Variants in SLC38A10 observed in about 807,000 individuals in gnomAD.
SLC38A10 encodes the protein solute carrier family 38 member 10.
In SLC38A10, 53 loss-of-function variants were observed where a neutral mutation model predicts 81.0. That is an observed-to-expected ratio of 0.65 (90% confidence interval 0.53 to 0.82). The LOEUF (loss-of-function observed/expected upper bound fraction) is 0.82. Ranked by LOEUF, SLC38A10 falls within the 40% of genes least tolerant of loss-of-function variation. The pLI, the probability that SLC38A10 is intolerant of heterozygous loss-of-function variation, is 0.00. For synonymous variants in SLC38A10, 665 were observed against 655.3 expected (o/e 1.01, Z -0.23); for missense variants, 1,471 against 1,545.0 (o/e 0.95, Z 0.80).
intron 9 of SLC38A10, 93 bp downstream of exon 9, chr17:81,272,423 G>A: frequency 1.2e-5 from 8 of 666,304 alleles, no homozygotes; most frequent in South Asian, 5.1e-5. Flanking sequence ...AGAGAAGATG[G>A]TCTCTGTGCA....
At chr17:81,293,488 T>TA in intron 1 of SLC38A10, among the ~76,000 whole-genome samples, 1 of 152,062 alleles carries the variant, frequency 6.6e-6, no homozygotes, top group Non-Finnish European at 1.5e-5. Flanking sequence ...GTTTTTTTTT[T>TA]AGAGATGGGG....
At chr17:81,272,458 G>T in intron 9 of SLC38A10, 58 bp downstream of exon 9, 2 of 1,162,036 alleles carry the variant, frequency 1.7e-6, no homozygotes, top group Non-Finnish European at 2.4e-6. Context: ...GCAGGTCTTG[G>T]TTGATGCCGA....
rs2062923570 is a variant in SLC38A10, at chr17:81,252,270, C to T, written c.1870G>A (p.Glu624Lys). The T allele has an allele frequency of 2.5e-6, 4 of 1,588,194 alleles. No individual in the cohort carries two copies. Among genetic ancestry groups the T allele is most frequent in the Non-Finnish European group, 2.6e-6 (3 of 1,165,740 alleles). ...QQNGLAVGGG[E>K]KAKGGPPPGN... Reference sequence around the variant, plus strand: ...GGCGGCGGTCCCCCCTTGGCCTTTTCCCCTCCACCCACCGCCAGGCCGTTC... The same window carrying T: ...GGCGGCGGTCCCCCCTTGGCCTTTTTCCCTCCACCCACCGCCAGGCCGTTC... The change falls in exon 13 of 16, where the codon GAA becomes AAA. Residue 624 changes from glutamate to lysine, a missense_variant. Transcript: ENST00000374759.
At chr17:81,251,382 AGG>A in intron 14 of SLC38A10, 109 bp downstream of exon 14, 2 of 1,612,522 alleles carry the variant, frequency 1.2e-6, no homozygotes, top group Non-Finnish European at 8.5e-7. Context: ...TGGAAAGAGA[AGG>A]GGGGCCTGGC....
At chr17:81,247,869 T>C (rs1406076473) in intron 14 of SLC38A10, among the ~76,000 whole-genome samples, 1 of 150,558 alleles carries the variant, frequency 6.6e-6, no homozygotes, top group East Asian at 1.9e-4. Flanking sequence ...AGAAAAACTG[T>C]AAGCTATGTT....
At chr17:81,266,526 G>A (rs2063071666) in intron 10 of SLC38A10, among the ~76,000 whole-genome samples, 1 of 152,006 alleles carries the variant, frequency 6.6e-6, no homozygotes, top group African/African-American at 2.4e-5. Flanking sequence ...GACTGAGGCA[G>A]GAGAATGGCG....
chr17:81,289,194 C>T lies in SLC38A10; in HGVS notation c.217+497G>A, dbSNP rs2063291013. Among the ~76,000 whole-genome samples the T allele has an allele frequency of 6.6e-6, 1 of 152,034 alleles. No homozygotes were observed. Among genetic ancestry groups the T allele is most frequent in the Admixed American group, 6.6e-5 (1 of 15,262 alleles). Reference sequence around the variant, plus strand: ...TAGCTAGGATTACAGATGCCTGCCACCATGTCTGGCTAATTTTTTGTATTT... The same window carrying T: ...TAGCTAGGATTACAGATGCCTGCCATCATGTCTGGCTAATTTTTTGTATTT... On this transcript the variant is annotated intron_variant, in intron 2 of 15. Coordinates refer to ENST00000374759, the MANE Select transcript of SLC38A10 (RefSeq NM_001037984.3). The surrounding 1 kb of genome is among the most constrained non-coding windows in gnomAD (Gnocchi z 5.9).
In SLC38A10 at chr17:81,253,016, C is replaced by G; in HGVS notation, c.1456+57G>C. ...GCCACCCCGCAGGGTGTCCAGCCTG[C>G]AAAGGAGGACCCGGGGCCGCCCTTC... On this transcript the variant is annotated intron_variant, in intron 12 of 15. Coordinates refer to ENST00000374759, the MANE Select transcript of SLC38A10 (RefSeq NM_001037984.3). The surrounding 1 kb of genome is among the most constrained non-coding windows in gnomAD (Gnocchi z 4.1). 6.3e-7 allele frequency: 1 copy of G among 1,590,018 alleles called. No individual in the cohort carries two copies. Among genetic ancestry groups the G allele is most frequent in the South Asian group, 1.1e-5 (1 of 90,082 alleles).
At chr17:81,266,481 T>C (rs906711936) in intron 10 of SLC38A10, among the ~76,000 whole-genome samples, 1 of 151,904 alleles carries the variant, frequency 6.6e-6, no homozygotes, top group Non-Finnish European at 1.5e-5. Flanking sequence ...TAGCCGGGCA[T>C]GGTTGCAGGC....
rs993616667 is a variant in SLC38A10 at position 81,277,817 on chromosome 17, G to C, written c.627-684C>G. ...TGGAAAGGGGTGGGCGAGACGACAA[G>C]GGAGAGGCTGGGGCCATGGAGCATC... On this transcript the variant is annotated intron_variant, in intron 6 of 15. Transcript: ENST00000374759. This position sits in a 1 kb window ranked among gnomAD's most constrained non-coding sequence, Gnocchi z 4.5. Among the ~76,000 whole-genome samples, 3 of 152,240 alleles carry C rather than the reference G, an allele frequency of 2.0e-5. No homozygotes were observed. The highest frequency in any genetic ancestry group is 7.2e-5 in the African/African-American group (3 of 41,450).
intron 1 of SLC38A10, among the ~76,000 whole-genome samples, chr17:81,290,432 A>T (rs1327128874): frequency 6.6e-6 from 1 of 152,218 alleles, no homozygotes; most frequent in Non-Finnish European, 1.5e-5. Context: ...AGCAGGAAAA[A>T]GGGATGACTA....
chr17:81,293,011 T>G (rs563037981), intron 1 of SLC38A10, among the ~76,000 whole-genome samples: 1 of 151,454 alleles, frequency 6.6e-6, no homozygotes, highest in South Asian at 2.1e-4. Context: ...AATAAATAAA[T>G]AAATTAGCCG....
Position 81,282,174 on chromosome 17 carries a change from G to A in SLC38A10, c.501+15C>T, listed in dbSNP as rs552804689. On this transcript the variant is annotated intron_variant, in intron 5 of 15. Coordinates refer to ENST00000374759, the MANE Select transcript of SLC38A10 (RefSeq NM_001037984.3). ...GCAGCCTTTCAGCGGGTACCCACGC[G>A]CGCTGCCGACTCACCACGAACATGA... 470 of 1,612,448 alleles carry A rather than the reference G, an allele frequency of 2.9e-4. 6 individuals carry two copies. The South Asian group carries it at 4.6e-3, about 16-fold the overall frequency.
intron 3 of SLC38A10, among the ~76,000 whole-genome samples, chr17:81,284,400 G>T (rs537674553): frequency 6.6e-6 from 1 of 152,256 alleles, no homozygotes; most frequent in South Asian, 2.1e-4. Context: ...CAAGTTAAGA[G>T]AACAATCAAC....
Position 81,246,545 on chromosome 17 carries a change from G to A in SLC38A10, c.2371C>T (p.Arg791Cys), listed in dbSNP as rs769188143. 36 of 1,517,104 alleles carry A rather than the reference G, an allele frequency of 2.4e-5. No homozygotes were observed. Among genetic ancestry groups the A allele is most frequent in the Non-Finnish European group, 3.1e-5 (35 of 1,134,430 alleles). 94.0% of individuals were successfully genotyped at this position (1,517,104 alleles called of 1,614,324 possible). A position where few individuals can be genotyped will look rare whatever the true frequency, so the allele number is the denominator to read the frequency against. ...LDPVLRAPGG[R>C]PAPSQDLNQR... ...TTAAGGTCCTGGGATGGAGCAGGGC[G>A]GCCCCCAGGAGCTCTGAGGACAGGG... The change falls in exon 16 of 16, where the codon CGC becomes TGC. Residue 791 changes from arginine (R) to cysteine (C), a missense_variant. Physicochemically the swap from Arg to Cys is radical, Grantham distance 180. Transcript: ENST00000374759.
intron 11 of SLC38A10, among the ~76,000 whole-genome samples, chr17:81,255,867 C>T (rs142600205): frequency 2.6e-3 from 396 of 152,322 alleles, no homozygotes; most frequent in African/African-American, 8.8e-3. Context: ...CCTGTATTCT[C>T]GGCTACTCAG....
chr17:81,250,917 G>A (rs973376969), intron 14 of SLC38A10: 14 of 1,192,592 alleles, frequency 1.2e-5, no homozygotes, highest in African/African-American at 1.6e-5. Flanking sequence ...GAGCAAAGGC[G>A]TAAGGAGCTT....
In SLC38A10 at chr17:81,277,277, G is replaced by A. The variant is rs778304257; in HGVS notation, c.627-144C>T. 1.1e-5 allele frequency: 8 copies of A among 724,798 alleles called. No homozygotes were observed. The highest frequency in any genetic ancestry group is 2.2e-5 in the Admixed American group (1 of 45,854). The allele number at this position is 724,798 out of a possible 1,614,324, so 44.9% of individuals were successfully genotyped here. ...TTCTCTGCACACTGGAAGTCCCAGC[G>A]CTGAGGCCAGGACTTGGTGTTGCTG... On this transcript the variant is annotated intron_variant, in intron 6 of 15. Transcript: ENST00000374759. The surrounding 1 kb of genome is among the most constrained non-coding windows in gnomAD (Gnocchi z 4.5).
rs2146948266 is a variant in SLC38A10, at chr17:81,283,401, A to G, written c.357+8T>C. Reference sequence around the variant, plus strand: ...CTGAACAACCCAGAACCCTGAACACATCCTTACCTGAAACCCGAACAGCCG... The same window carrying G: ...CTGAACAACCCAGAACCCTGAACACGTCCTTACCTGAAACCCGAACAGCCG... On this transcript the variant is annotated splice_region_variant and intron_variant, in intron 4 of 15. Coordinates refer to ENST00000374759, the MANE Select transcript of SLC38A10 (RefSeq NM_001037984.3). This position sits in a 1 kb window ranked among gnomAD's most constrained non-coding sequence, Gnocchi z 4.7. The G allele has an allele frequency of 6.2e-7, 1 of 1,609,842 alleles. No homozygotes were observed. The highest frequency in any genetic ancestry group is 8.5e-7 in the Non-Finnish European group (1 of 1,177,768).
Sources: gnomAD v4.1 joint callset for allele counts (sites outside exome capture counted in the v4.1 genomes callset) on GRCh38, gnomAD v4.1.1 for gene constraint, Gnocchi (gnomAD v3.1) non-coding constraint, MANE v1.5 for transcripts, NCBI Gene and HGNC (gene_info 2026-07-23, HGNC 2026-07-21) for gene names.